The following TRHDE variants were observed in gnomAD, a reference collection of about 807,000 sequenced individuals.
TRHDE encodes the protein thyrotropin releasing hormone degrading enzyme.
Under a neutral mutation model 125.7 loss-of-function variants are expected in TRHDE, and 72 were observed. The observed-to-expected ratio is 0.57, with a 90% CI of 0.47 to 0.70. TRHDE has a LOEUF of 0.70. Ranked by LOEUF, TRHDE falls within the 30% of genes least tolerant of loss-of-function variation. TRHDE has a pLI of 0.00. For missense variants in TRHDE, 1,110 were observed against 1,327.1 expected (o/e 0.84, Z 2.54); for synonymous variants, 509 against 509.1 (o/e 1.00, Z 0.00).
At chr12:72,316,468 G>A (rs1035863806) in intron 2 of TRHDE, among the ~76,000 whole-genome samples, 15 of 151,922 alleles carry the variant, frequency 9.9e-5, no homozygotes, top group Admixed American at 3.3e-4. Flanking sequence ...GAAAACACCC[G>A]GATAACCACC....
intron 3 of TRHDE, among the ~76,000 whole-genome samples, chr12:72,405,532 T>C (rs552460295): frequency 1.3e-5 from 2 of 152,266 alleles, no homozygotes; most frequent in South Asian, 2.1e-4. Flanking sequence ...CTACATTAAG[T>C]CTCTCTCATT....
At chr12:72,349,380 G>T (rs1870477675) in intron 2 of TRHDE, among the ~76,000 whole-genome samples, 1 of 152,028 alleles carries the variant, frequency 6.6e-6, no homozygotes, top group Non-Finnish European at 1.5e-5. Flanking sequence ...ATCTTGAAAG[G>T]AATATCACCA....
chr12:72,456,176 C>CACACACACACAG lies in TRHDE; in HGVS notation c.1316-13581_1316-13580insCACACACACAGA, dbSNP rs796569778. Among the ~76,000 whole-genome samples, 9 of 140,442 alleles carry CACACACACACAG rather than the reference C, an allele frequency of 6.4e-5. 1 individual carries two copies. The highest frequency in any genetic ancestry group is 1.2e-4 in the Non-Finnish European group (8 of 66,046). 92.1% of individuals were successfully genotyped at this position (140,442 alleles called of 152,430 possible). A position where few individuals can be genotyped will look rare whatever the true frequency, so the allele number is the denominator to read the frequency against. On this transcript the variant is annotated intron_variant, in intron 3 of 18. Transcript: ENST00000261180. ...ACACACACACACACACACACACACA[C>CACACACACACAG]AGAGACTCAGAGAGTTGGACATATG... is the stretch of plus-strand genomic sequence containing the variant.
chr12:72,460,150 A>G (rs1876060194), intron 3 of TRHDE, among the ~76,000 whole-genome samples: 1 of 152,226 alleles, frequency 6.6e-6, no homozygotes, highest in African/African-American at 2.4e-5. Context: ...TGGAACAAAA[A>G]GCAGTCAGTG....
chr12:72,163,378 T>C (rs1227591619), intron 2 of TRHDE, among the ~76,000 whole-genome samples: 1 of 152,226 alleles, frequency 6.6e-6, no homozygotes, highest in Admixed American at 6.5e-5. Context: ...GCAGTATCTT[T>C]ACTAACTTTA....
rs1168664003 is a variant in TRHDE at position 72,286,827 on chromosome 12, C to G, written c.1061C>G (p.Ser354Cys). The G allele has an allele frequency of 6.2e-7, 1 of 1,613,754 alleles. No homozygotes were observed. The highest frequency in any genetic ancestry group is 1.1e-5 in the South Asian group (1 of 91,050). Residue 354 changes from serine (S) to cysteine (C), a missense_variant, in exon 2 of 19, where the codon TCC becomes TGC. By Grantham distance (112) the Ser-to-Cys change is moderately radical. This residue lies in a region of TRHDE where 252 missense variants were observed against 274.8 expected (regional missense o/e 0.92). Coordinates refer to ENST00000261180, the MANE Select transcript of TRHDE (RefSeq NM_013381.3). ...TTATCTAATATGCCAGTGGAAACTT[C>G]CGTGTTTGAGGAAGATGGATGGGTT... ...LSLSNMPVET[S>C]VFEEDGWVTD...
At chr12:72,456,806 G>A (rs1227596168) in intron 3 of TRHDE, among the ~76,000 whole-genome samples, 1 of 152,088 alleles carries the variant, frequency 6.6e-6, no homozygotes, top group Non-Finnish European at 1.5e-5. Flanking sequence ...ACTGGAGCTT[G>A]GAGAGGTAAA....
chr12:72,360,033 A>G (rs1362117280), intron 2 of TRHDE, among the ~76,000 whole-genome samples: 2 of 151,704 alleles, frequency 1.3e-5, no homozygotes, highest in African/African-American at 4.8e-5. Flanking sequence ...GTACGGAGAC[A>G]ATTGATTATC....
chr12:72,241,029 C>G (rs1878467955), intron 2 of TRHDE, among the ~76,000 whole-genome samples: 1 of 131,332 alleles, frequency 7.6e-6, no homozygotes, highest in Non-Finnish European at 1.8e-5. Context: ...ATAGTGATCA[C>G]TGGTGGTCGT....
At chr12:72,322,859 G>A (rs1362273837) in intron 2 of TRHDE, among the ~76,000 whole-genome samples, 1 of 152,104 alleles carries the variant, frequency 6.6e-6, no homozygotes, top group Non-Finnish European at 1.5e-5. Context: ...AGTTAACAGT[G>A]GATATAGGGG....
intron 15 of TRHDE, among the ~76,000 whole-genome samples, chr12:72,639,798 C>A (rs1019862149): frequency 6.6e-5 from 10 of 152,112 alleles, no homozygotes; most frequent in African/African-American, 2.4e-4. Context: ...GGGGGTGCCT[C>A]CCATTTAGGC....
At chr12:72,520,421 C>G (rs189678640) in intron 6 of TRHDE, among the ~76,000 whole-genome samples, 3 of 152,294 alleles carry the variant, frequency 2.0e-5, no homozygotes, top group Non-Finnish European at 4.4e-5. Context: ...CCGACCGTCA[C>G]GCCTTTCTTT....
At chr12:72,596,337 A>C (rs1871938022) in intron 12 of TRHDE, among the ~76,000 whole-genome samples, 1 of 152,154 alleles carries the variant, frequency 6.6e-6, no homozygotes. Context: ...TCGTCAAATC[A>C]TAGCTATAAG....
At chr12:72,091,309 A>C (rs977878379) in intron 1 of TRHDE, among the ~76,000 whole-genome samples, 11 of 152,230 alleles carry the variant, frequency 7.2e-5, no homozygotes, top group Non-Finnish European at 1.0e-4. Flanking sequence ...TATGCACATA[A>C]ATTTTGCATT....
intron 2 of TRHDE, among the ~76,000 whole-genome samples, chr12:72,304,727 T>G (rs542687244): frequency 6.6e-6 from 1 of 152,274 alleles, no homozygotes; most frequent in East Asian, 1.9e-4. Context: ...CATCTGAAAT[T>G]TTTTCTAGAA....
intron 2 of TRHDE, chr12:72,140,482 C>G (rs1876087981): frequency 6.7e-6 from 1 of 148,642 alleles, no homozygotes. Flanking sequence ...ATGTATAAAA[C>G]CAAGCTGTAG....
rs552238869 is a variant in TRHDE, at chr12:72,149,867, A to G, written n.279+44115A>G. ...ATGAATAAATATAGCTTTATATTAT[A>G]ATTATTCATGGTTGCAAAGAGTTCC... On this transcript the variant is annotated intron_variant and non_coding_transcript_variant, in intron 2 of 4. Transcript: ENST00000548156. Among the ~76,000 whole-genome samples, 59 of 152,188 alleles carry G rather than the reference A, an allele frequency of 3.9e-4. 1 individual carries two copies. The highest frequency in any genetic ancestry group is 7.9e-4 in the Admixed American group (12 of 15,274).
intron 2 of TRHDE, among the ~76,000 whole-genome samples, chr12:72,162,487 C>G (rs533565783): frequency 2.9e-4 from 44 of 152,272 alleles, no homozygotes; most frequent in South Asian, 1.0e-3. Context: ...GATTTATTAT[C>G]TTCCTGCATT....
chr12:72,613,241 C>T (rs1423076502), intron 12 of TRHDE, among the ~76,000 whole-genome samples: 2 of 152,144 alleles, frequency 1.3e-5, no homozygotes, highest in African/African-American at 4.8e-5. Flanking sequence ...TCTACATGCT[C>T]ACTGGCTGTA....
Sources: allele counts gnomAD v4.1 joint callset (sites outside exome capture counted in the v4.1 genomes callset), GRCh38; gene constraint gnomAD v4.1.1; regional missense constraint gnomAD v4.1.1; transcripts MANE v1.5; gene names NCBI Gene and HGNC (gene_info 2026-07-23, HGNC 2026-07-21).